Variants in OSTF1 observed in about 807,000 individuals in gnomAD.
OSTF1 encodes the protein osteoclast-stimulating factor 1.
Under a neutral mutation model 37.2 loss-of-function variants are expected in OSTF1, and 27 were observed. That is an observed-to-expected ratio of 0.73 (90% confidence interval 0.54 to 1.00). The LOEUF is 1.00. Among genes scored for constraint, OSTF1 ranks in the 50% least tolerant of loss-of-function variants. The pLI is 0.00. For synonymous variants in OSTF1, 82 were observed against 89.2 expected (o/e 0.92, Z 0.46); for missense variants, 232 against 253.8 (o/e 0.91, Z 0.58).
intron 9 of OSTF1, among the ~76,000 whole-genome samples, chr9:75,145,233 C>T (rs1256146199): frequency 1.3e-5 from 2 of 152,042 alleles, no homozygotes; most frequent in Admixed American, 6.6e-5. Flanking sequence ...ACCTACCTAC[C>T]TACTTACCTA....
At chr9:75,123,147 C>T (rs1039993284) in intron 2 of OSTF1, among the ~76,000 whole-genome samples, 18 of 152,200 alleles carry the variant, frequency 1.2e-4, no homozygotes, top group African/African-American at 3.4e-4. Flanking sequence ...AAAGGCCGGG[C>T]GCAGTGGCTC....
In OSTF1 at chr9:75,088,574, C is replaced by G. The variant is rs1379062461; in HGVS notation, c.-119C>G. 9.0e-7 allele frequency: 1 copy of G among 1,116,702 alleles called. No homozygotes were observed. The allele number at this position is 1,116,702 out of a possible 1,614,324, so 69.2% of individuals were successfully genotyped here. The stretch of plus-strand genomic sequence containing the variant: ...CCGCAGCCAAGGGTGGGCGCCGGTC[C>G]TAGGAGGCGCACGGTTGTAAGCCAG... On this transcript the variant is annotated 5_prime_UTR_variant, in exon 1 of 10. Coordinates refer to ENST00000346234, the MANE Select transcript of OSTF1 (RefSeq NM_012383.5).
At position 75,117,512 on chromosome 9, in the gene OSTF1, A is replaced by C. The variant is rs1337331838; in HGVS notation, c.43A>C (p.Lys15Gln). 1 of 1,610,558 alleles carries C rather than the reference A, an allele frequency of 6.2e-7. No homozygotes were observed. The highest frequency in any genetic ancestry group is 8.5e-7 in the Non-Finnish European group (1 of 1,177,736). Reference protein sequence around the residue: ...PPKPVKPGQVKVFRALYTFEP... With the variant: ...PPKPVKPGQVQVFRALYTFEP... ...TTTTCTTCCTTTTTTAGGGCAAGTT[A>C]AAGTCTTCAGAGCCCTGTATACGTT... The change falls in exon 2 of 10, where the codon AAA becomes CAA. Residue 15 changes from lysine (K) to glutamine (Q), a missense_variant. Lys to Gln is a moderately conservative substitution (Grantham distance 53). Coordinates refer to ENST00000346234, the MANE Select transcript of OSTF1 (RefSeq NM_012383.5).
intron 8 of OSTF1, among the ~76,000 whole-genome samples, chr9:75,139,722 C>T (rs1200532702): frequency 1.3e-5 from 2 of 152,186 alleles, no homozygotes; most frequent in Non-Finnish European, 2.9e-5. Flanking sequence ...CGTGCTTGGC[C>T]TAAAGCCTTC....
chr9:75,127,105 G>T (rs1200676336), intron 2 of OSTF1, among the ~76,000 whole-genome samples: 1 of 152,190 alleles, frequency 6.6e-6, no homozygotes, highest in African/African-American at 2.4e-5. Context: ...CTAGGATAAT[G>T]ATTTTCTTAA....
intron 1 of OSTF1, among the ~76,000 whole-genome samples, chr9:75,109,512 G>A (rs1274796225): frequency 6.6e-6 from 1 of 152,192 alleles, no homozygotes; most frequent in Non-Finnish European, 1.5e-5. Flanking sequence ...CTTCTATTAT[G>A]TATAGTGTAC....
intron 1 of OSTF1, 140 bp from the exon 2 acceptor site, chr9:75,117,364 T>A (rs1825507279): frequency 1.7e-6 from 1 of 602,444 alleles, no homozygotes; most frequent in African/African-American, 1.9e-5. Context: ...CTCTCTACCC[T>A]TTCCAGCCTC....
At chr9:75,138,497 G>A (rs931248759) in intron 8 of OSTF1, among the ~76,000 whole-genome samples, 4 of 152,094 alleles carry the variant, frequency 2.6e-5, no homozygotes, top group African/African-American at 9.7e-5. Flanking sequence ...ATTGAGATGT[G>A]CTGTAAGTGT....
intron 8 of OSTF1, among the ~76,000 whole-genome samples, chr9:75,138,230 A>G (rs1160613910): frequency 6.6e-6 from 1 of 152,216 alleles, no homozygotes; most frequent in East Asian, 1.9e-4. Flanking sequence ...GAAGCCTATC[A>G]TGTAGGATGC....
chr9:75,138,731 C>T (rs1324322201), intron 8 of OSTF1, among the ~76,000 whole-genome samples: 1 of 152,038 alleles, frequency 6.6e-6, no homozygotes, highest in Non-Finnish European at 1.5e-5. Flanking sequence ...TAAAGGGACC[C>T]AGGAAATAGT....
chr9:75,099,440 A>T (rs1825150817), intron 1 of OSTF1, among the ~76,000 whole-genome samples: 1 of 151,778 alleles, frequency 6.6e-6, no homozygotes, highest in South Asian at 2.1e-4. Flanking sequence ...TTTTGTACAG[A>T]TGGGGTCCCA....
chr9:75,088,530 C>G lies in OSTF1; in HGVS notation c.-163C>G. 1.4e-6 allele frequency: 1 copy of G among 740,364 alleles called. No individual in the cohort carries two copies. The highest frequency in any genetic ancestry group is 1.7e-5 in the South Asian group (1 of 60,070). 45.9% of individuals were successfully genotyped at this position (740,364 alleles called of 1,614,324 possible). A position where few individuals can be genotyped will look rare whatever the true frequency, so the allele number is the denominator to read the frequency against. On this transcript the variant is annotated 5_prime_UTR_variant, in exon 1 of 10. Coordinates refer to ENST00000346234, the MANE Select transcript of OSTF1 (RefSeq NM_012383.5). Reference sequence around the variant, plus strand: ...GGGCGGAGCACTCGGCGGAGCCGCTCTGCCTGCGTCCGCTCTTCCCGCAGC... The same window carrying G: ...GGGCGGAGCACTCGGCGGAGCCGCTGTGCCTGCGTCCGCTCTTCCCGCAGC...
In OSTF1 at chr9:75,140,135, C is replaced by T. The variant is rs73652707; in HGVS notation, c.488-699C>T. ...AAATCACAGACCAATACGTGTAGTA[C>T]GATTTTGTGTCTATATCAATATGTG... On this transcript the variant is annotated intron_variant, in intron 8 of 9. Coordinates refer to ENST00000346234, the MANE Select transcript of OSTF1 (RefSeq NM_012383.5). Among the ~76,000 whole-genome samples the T allele has an allele frequency of 2.3e-3, 345 of 152,282 alleles. 1 individual carries two copies. The highest frequency in any genetic ancestry group is 6.9e-3 in the African/African-American group (288 of 41,562).
chr9:75,138,616 A>G (rs1395943785), intron 8 of OSTF1, among the ~76,000 whole-genome samples: 1 of 152,242 alleles, frequency 6.6e-6, no homozygotes, highest in Non-Finnish European at 1.5e-5. Context: ...ATGCTGGGTT[A>G]AATAAAATAT....
chr9:75,120,544 A>C, intron 2 of OSTF1, among the ~76,000 whole-genome samples: 1 of 151,950 alleles, frequency 6.6e-6, no homozygotes, highest in East Asian at 1.9e-4. Context: ...TCTTGACTCT[A>C]TCTCCTCTCT....
intron 7 of OSTF1, among the ~76,000 whole-genome samples, chr9:75,135,376 G>GT (rs1440742295): frequency 6.6e-6 from 1 of 152,068 alleles, no homozygotes; most frequent in Non-Finnish European, 1.5e-5. Flanking sequence ...TATTGTTGGT[G>GT]TTTTCAAATT....
chr9:75,107,205 TC>T, intron 1 of OSTF1, among the ~76,000 whole-genome samples: 1 of 149,664 alleles, frequency 6.7e-6, no homozygotes, highest in Middle Eastern at 3.4e-3. Context: ...TCCCACGGAC[TC>T]CCCCTGTTTT....
At chr9:75,117,482 T>C in intron 1 of OSTF1, 22 bp from the exon 2 acceptor site, 2 of 1,589,216 alleles carry the variant, frequency 1.3e-6, no homozygotes, top group Non-Finnish European at 1.7e-6. Context: ...AATTCAGTTG[T>C]TGTTTTTTCT....
intron 1 of OSTF1, among the ~76,000 whole-genome samples, chr9:75,095,914 T>A (rs910801478): frequency 6.6e-6 from 1 of 151,184 alleles, no homozygotes; most frequent in African/African-American, 2.4e-5. Context: ...TTTTTTGAGA[T>A]GGAGTCTTGC....
Sources: allele counts gnomAD v4.1 joint callset (sites outside exome capture counted in the v4.1 genomes callset), GRCh38; gene constraint gnomAD v4.1.1; transcripts MANE v1.5; gene names NCBI Gene and HGNC (gene_info 2026-07-23, HGNC 2026-07-21).